Variants in NINJ2 observed in about 807,000 individuals in gnomAD.
The protein encoded by NINJ2 is ninjurin 2.
NINJ2 carries 12 observed loss-of-function variants against 11.7 expected under a neutral mutation model. The ratio of observed to expected loss-of-function variants is 1.02; its 90% CI spans 0.66 to 1.66. The LOEUF (loss-of-function observed/expected upper bound fraction) is 1.66, where lower values mean the gene tolerates loss of function less well. NINJ2 is among the 40% of genes most tolerant of loss of function. NINJ2 has a pLI of 0.00. For missense variants in NINJ2, 187 were observed against 181.8 expected (o/e 1.03, Z -0.16); for synonymous variants, 93 against 76.8 (o/e 1.21, Z -1.10).
intron 1 of NINJ2, among the ~76,000 whole-genome samples, chr12:649,110 G>A (rs770309689): frequency 5.3e-4 from 80 of 151,002 alleles, no homozygotes; most frequent in Non-Finnish European, 3.1e-4. Context: ...GCAGTGGCGC[G>A]ATCTCGGCTC....
intron 1 of NINJ2, among the ~76,000 whole-genome samples, chr12:650,196 T>C (rs1937765751): frequency 1.3e-5 from 2 of 151,900 alleles, no homozygotes; most frequent in African/African-American, 4.8e-5. Flanking sequence ...GCGATTCTCA[T>C]GCCTCAGCCT....
intron 1 of NINJ2, chr12:644,373 C>G (rs1370545636): frequency 6.6e-6 from 1 of 152,198 alleles, no homozygotes; most frequent in South Asian, 2.1e-4. Context: ...GGTGTATTAA[C>G]TAACTCGATC....
rs543506484 is a variant in NINJ2 at position 578,625 on chromosome 12, C to A, written c.34-12447G>T. Among the ~76,000 whole-genome samples, 16 of 152,244 alleles carry A rather than the reference C, an allele frequency of 1.1e-4. No individual in the cohort carries two copies. The South Asian group carries it at 3.1e-3, about 30-fold the overall frequency. On this transcript the variant is annotated intron_variant, in intron 1 of 3. Transcript: ENST00000305108. ...GAACCACTACACCCGGCCGAGAGCA[C>A]CCATTTTTTAAGTATTAGAGCTGGC...
Position 614,261 on chromosome 12 carries a change from C to T in NINJ2, c.34-48083G>A, listed in dbSNP as rs1948067049. ...ATGGGTATTGGGAAGTTACTAATCC[C>T]ACTGTGGTTTATACCTCATGACTTC... On this transcript the variant is annotated intron_variant, in intron 1 of 3. Transcript: ENST00000305108. The surrounding 1 kb of genome is among the most constrained non-coding windows in gnomAD (Gnocchi z 5.1). 6.6e-6 allele frequency among the ~76,000 whole-genome samples: 1 copy of T among 152,228 alleles called. No homozygotes were observed. Among genetic ancestry groups the T allele is most frequent in the Non-Finnish European group, 1.5e-5 (1 of 68,044 alleles).
At chr12:586,741 G>A (rs1947644138) in intron 1 of NINJ2, among the ~76,000 whole-genome samples, 1 of 152,374 alleles carries the variant, frequency 6.6e-6, no homozygotes, top group Middle Eastern at 3.4e-3. Flanking sequence ...AAAGGCTTCT[G>A]TGACTCCCAC....
At chr12:565,598 A>T (rs1042524139) in intron 2 of NINJ2, 197 bp from the exon 3 acceptor site, 8 of 626,458 alleles carry the variant, frequency 1.3e-5, no homozygotes, top group African/African-American at 3.7e-5. Context: ...AGTGTGCTTC[A>T]TCCCACCAGG....
chr12:613,786 T>C (rs918539190), intron 1 of NINJ2, among the ~76,000 whole-genome samples: 1 of 151,964 alleles, frequency 6.6e-6, no homozygotes, highest in Non-Finnish European at 1.5e-5. Flanking sequence ...GCGCCTGTAG[T>C]CCCAGCTACT....
intron 1 of NINJ2, among the ~76,000 whole-genome samples, chr12:634,391 C>A (rs1170305742): frequency 6.7e-6 from 1 of 148,830 alleles, no homozygotes; most frequent in East Asian, 2.0e-4. Flanking sequence ...CCCCTAGTAG[C>A]TGGGATTACT....
intron 1 of NINJ2, among the ~76,000 whole-genome samples, chr12:646,728 A>G (rs1275329274): frequency 1.3e-5 from 2 of 152,292 alleles, no homozygotes; most frequent in East Asian, 1.9e-4. Flanking sequence ...TGTACAGATT[A>G]GGACTGAAAA....
At chr12:634,231 G>C (rs770802884) in intron 1 of NINJ2, among the ~76,000 whole-genome samples, 2 of 137,588 alleles carry the variant, frequency 1.5e-5, no homozygotes, top group Non-Finnish European at 3.1e-5. Flanking sequence ...CACATAAGTT[G>C]TGCTCACTAA....
At chr12:627,516 C>T (rs906254913) in intron 1 of NINJ2, among the ~76,000 whole-genome samples, 4 of 152,076 alleles carry the variant, frequency 2.6e-5, no homozygotes, top group East Asian at 1.9e-4. Flanking sequence ...TTGACAAGTT[C>T]GATAGGATTT....
intron 1 of NINJ2, chr12:610,733 T>C (rs1948017848): frequency 1.9e-6 from 1 of 531,808 alleles, no homozygotes; most frequent in Non-Finnish European, 2.4e-6. Flanking sequence ...TCTATTCTTT[T>C]TTTTTTTTTT....
chr12:589,402 C>T (rs1325943260), intron 1 of NINJ2: 2 of 152,194 alleles, frequency 1.3e-5, no homozygotes, highest in Admixed American at 1.3e-4. Flanking sequence ...AGAGGATCTA[C>T]TTTATATTTC....
intron 1 of NINJ2, among the ~76,000 whole-genome samples, chr12:636,203 C>T (rs1247128030): frequency 2.0e-5 from 3 of 150,786 alleles, no homozygotes; most frequent in Admixed American, 1.3e-4. Context: ...ATGGAGAAAC[C>T]CCGTCTCTAC....
At chr12:584,305 T>C (rs1194353550) in intron 1 of NINJ2, among the ~76,000 whole-genome samples, 1 of 151,870 alleles carries the variant, frequency 6.6e-6, no homozygotes, top group Non-Finnish European at 1.5e-5. Flanking sequence ...TTAGGGAGGC[T>C]GAGGTGGGCA....
chr12:585,511 TGGAGGGAAGGGAAGGGAA>T lies in NINJ2; in HGVS notation c.34-19351_34-19334del, dbSNP rs1947622507. ...GTTGGAGGGAAGGGAAGGGAACGGTTGGAGGGAAGGGAAGGGAACGGTTGGAGGGAAGGGAAGGGAACG... is the reference window on the plus strand; with the variant it reads ...GTTGGAGGGAAGGGAAGGGAACGGTTCGGTTGGAGGGAAGGGAAGGGAACG... On this transcript the variant is annotated intron_variant, in intron 1 of 3. Coordinates refer to ENST00000305108, the MANE Select transcript of NINJ2 (RefSeq NM_016533.6). This position sits in a 1 kb window ranked among gnomAD's most constrained non-coding sequence, Gnocchi z 4.1. Among the ~76,000 whole-genome samples the T allele has an allele frequency of 6.7e-6, 1 of 148,588 alleles. No individual in the cohort carries two copies. Among genetic ancestry groups the T allele is most frequent in the Admixed American group, 6.7e-5 (1 of 14,876 alleles).
chr12:599,989 C>T (rs1407604919), intron 1 of NINJ2, among the ~76,000 whole-genome samples: 1 of 152,226 alleles, frequency 6.6e-6, no homozygotes, highest in South Asian at 2.1e-4. Context: ...CGATACTCAG[C>T]CCTCCCCTGC....
At position 572,153 on chromosome 12, in the gene NINJ2, T is replaced by A. The variant is rs371099493; in HGVS notation, c.34-5975A>T. Among the ~76,000 whole-genome samples the A allele has an allele frequency of 1.6e-3, 243 of 152,298 alleles. 2 individuals carry two copies. Among genetic ancestry groups the A allele is most frequent in the African/African-American group, 5.7e-3 (238 of 41,562 alleles). Reference sequence around the variant, plus strand: ...AACACAGGCTTCCTTGGGTCCTTCCTAGCACGGAGTAATCTAGGGATGGGA... The same window carrying A: ...AACACAGGCTTCCTTGGGTCCTTCCAAGCACGGAGTAATCTAGGGATGGGA... On this transcript the variant is annotated intron_variant, in intron 1 of 3. Transcript: ENST00000305108.
At chr12:595,927 G>T (rs1947778467) in intron 1 of NINJ2, among the ~76,000 whole-genome samples, 2 of 152,162 alleles carry the variant, frequency 1.3e-5, no homozygotes, top group Non-Finnish European at 2.9e-5. Flanking sequence ...TATATAAAAA[G>T]ATGTCCACAT....
Sources: allele counts gnomAD v4.1 joint callset (sites outside exome capture counted in the v4.1 genomes callset), GRCh38; gene constraint gnomAD v4.1.1; non-coding constraint Gnocchi (gnomAD v3.1); transcripts MANE v1.5; gene names NCBI Gene and HGNC (gene_info 2026-07-23, HGNC 2026-07-21).